IL2RB: variants seen among roughly 807,000 people sequenced by gnomAD.
IL2RB encodes interleukin-2 receptor subunit beta.
Under a neutral mutation model 44.2 loss-of-function variants are expected in IL2RB, and 17 were observed. The observed-to-expected ratio is 0.38, with a 90% CI of 0.26 to 0.58. IL2RB has a LOEUF of 0.58. IL2RB is among the 20% of genes least tolerant of loss of function. The pLI is 0.63. For synonymous variants in IL2RB, 286 were observed against 297.9 expected, an observed-to-expected ratio of 0.96 and a Z score of 0.41; for missense variants, 624 against 685.5, an observed-to-expected ratio of 0.91 and a Z score of 1.00.
chr22:37,150,051 G>C, upstream of IL2RB: 1 of 232,278 alleles, frequency 4.3e-6, no homozygotes, highest in Non-Finnish European at 6.9e-6. Flanking sequence ...AAGCACCCAG[G>C]GCCAGATAAA....
chr22:37,149,102 G>A (rs937034679), intron 1 of IL2RB, among the ~76,000 whole-genome samples: 124 of 152,202 alleles, frequency 8.1e-4, no homozygotes, highest in African/African-American at 2.7e-3. Flanking sequence ...TCCCTCCCCC[G>A]AGGTGCTACA....
intron 1 of IL2RB, among the ~76,000 whole-genome samples, chr22:37,174,479 C>A (rs1016915384): frequency 6.6e-6 from 1 of 152,166 alleles, no homozygotes; most frequent in African/African-American, 2.4e-5. Context: ...GCACCACGCT[C>A]AGATCAGGCC....
rs1486952787 is a variant in IL2RB, at chr22:37,141,877, C to T, written c.282+557G>A. ...GAGGCGGGTCCCTGGTGAGGTCCCA[C>T]CTTCAGGCTGGGGAGGGCCTGAAAA... On this transcript the variant is annotated intron_variant, in intron 4 of 9. Coordinates refer to ENST00000216223, the MANE Select transcript of IL2RB (RefSeq NM_000878.5). This position sits in a 1 kb window ranked among gnomAD's most constrained non-coding sequence, Gnocchi z 4.4. Among the ~76,000 whole-genome samples, 1 of 152,198 alleles carries T rather than the reference C, an allele frequency of 6.6e-6. No homozygotes were observed. The highest frequency in any genetic ancestry group is 1.5e-5 in the Non-Finnish European group (1 of 68,014).
At chr22:37,129,497 C>A (rs1921316675) in intron 9 of IL2RB, among the ~76,000 whole-genome samples, 1 of 126,394 alleles carries the variant, frequency 7.9e-6, no homozygotes, top group Admixed American at 1.0e-4. Context: ...GAGGAAAGTG[C>A]CCATCAGAGC....
rs1404155722 is a variant in IL2RB at position 37,139,002 on chromosome 22, G to C, written c.388+115C>G. ...AGAACAGCGGGCGGTGAGGTGATCA[G>C]ATGTGGGTGTGGAAGCTGCCGGGGA... is the stretch of plus-strand genomic sequence containing the variant. On this transcript the variant is annotated intron_variant, in intron 5 of 9. Coordinates refer to ENST00000216223, the MANE Select transcript of IL2RB (RefSeq NM_000878.5). The C allele has an allele frequency of 1.0e-5, 7 of 698,084 alleles. No individual in the cohort carries two copies. The East Asian group carries it at 1.6e-4, about 16-fold the overall frequency. The allele number at this position is 698,084 out of a possible 1,614,324, so 43.2% of individuals were successfully genotyped here. A position where few individuals can be genotyped will look rare whatever the true frequency, so the allele number is the denominator to read the frequency against.
At chr22:37,137,554 C>T (rs1921768153) in intron 6 of IL2RB, 33 bp downstream of exon 6, 1 of 1,611,418 alleles carries the variant, frequency 6.2e-7, no homozygotes, top group Non-Finnish European at 8.5e-7. Flanking sequence ...GAAGGAGGAA[C>T]CAAGGCAGGT....
intron 1 of IL2RB, among the ~76,000 whole-genome samples, chr22:37,167,414 G>A (rs1923122020): frequency 6.6e-6 from 1 of 152,134 alleles, no homozygotes; most frequent in South Asian, 2.1e-4. Flanking sequence ...CCCTTGTAAA[G>A]TGAAAATCCG....
Position 37,157,037 on chromosome 22 carries a change from G to C in IL2RB, c.-33-12832C>G, listed in dbSNP as rs186105442. ...CACCAGTGACCTGGTTTTGAGTCCT[G>C]GTCCCTGGTCAGGAGGACTATGGTA... On this transcript the variant is annotated intron_variant, in intron 1 of 5. Coordinates refer to the IL2RB transcript ENST00000429622. Among the ~76,000 whole-genome samples, 3 of 149,706 alleles carry C rather than the reference G, an allele frequency of 2.0e-5. No individual in the cohort carries two copies. The East Asian group carries it at 5.8e-4, about 29-fold the overall frequency.
chr22:37,142,825 A>G (rs886249713), intron 3 of IL2RB: 3 of 490,960 alleles, frequency 6.1e-6, no homozygotes, highest in South Asian at 2.0e-5. Flanking sequence ...GAGGCTTAGG[A>G]TGAAGATAGA....
At position 37,141,353 on chromosome 22, in the gene IL2RB, G is replaced by A. The variant is rs1921960341; in HGVS notation, c.282+1081C>T. On this transcript the variant is annotated intron_variant, in intron 4 of 9. Coordinates refer to ENST00000216223, the MANE Select transcript of IL2RB (RefSeq NM_000878.5). This position sits in a 1 kb window ranked among gnomAD's most constrained non-coding sequence, Gnocchi z 4.4. ...GGACCCAGGCATCCCTGCACTCTCA[G>A]GGTCTGGGAAGATCCCCCCTTGCCT... Among the ~76,000 whole-genome samples the A allele has an allele frequency of 6.6e-6, 1 of 152,128 alleles. No homozygotes were observed. The highest frequency in any genetic ancestry group is 2.4e-5 in the African/African-American group (1 of 41,430).
intron 1 of IL2RB, among the ~76,000 whole-genome samples, chr22:37,160,810 A>C (rs910394144): frequency 6.6e-6 from 1 of 151,852 alleles, no homozygotes; most frequent in Non-Finnish European, 1.5e-5. Context: ...GTGGTGACAG[A>C]GCGAGACTGG....
rs531181723 is a variant in IL2RB, at chr22:37,131,985, C to A, written c.903+399G>T. Among the ~76,000 whole-genome samples the A allele has an allele frequency of 9.2e-5, 14 of 152,306 alleles. No individual in the cohort carries two copies. In the South Asian group the frequency reaches 2.9e-3, roughly 32 times the overall value. Reference sequence around the variant, plus strand: ...TCCTGACCTCGTGATCTACCTGCCACAGCCTCCCAAAGTGCTGGGATTACA... The same window carrying A: ...TCCTGACCTCGTGATCTACCTGCCAAAGCCTCCCAAAGTGCTGGGATTACA... On this transcript the variant is annotated intron_variant, in intron 9 of 9. Coordinates refer to ENST00000216223, the MANE Select transcript of IL2RB (RefSeq NM_000878.5).
intron 6 of IL2RB, 151 bp from the exon 7 acceptor site, chr22:37,136,544 T>C: frequency 1.3e-6 from 1 of 799,784 alleles, no homozygotes. Flanking sequence ...TGCTGGGGCC[T>C]CAAACCCCAG....
At chr22:37,145,831 G>T (rs574835023) in intron 1 of IL2RB, among the ~76,000 whole-genome samples, 1 of 151,966 alleles carries the variant, frequency 6.6e-6, no homozygotes, top group East Asian at 1.9e-4. Context: ...CTGAGCGTTG[G>T]GCATTTCCCC....
intron 9 of IL2RB, among the ~76,000 whole-genome samples, chr22:37,131,750 T>TC (rs1422208879): frequency 6.6e-6 from 1 of 152,014 alleles, no homozygotes; most frequent in Non-Finnish European, 1.5e-5. Context: ...TTTTTTTTTT[T>TC]TTTTGAGATG....
Position 37,127,603 on chromosome 22 carries a change from A to C in IL2RB, c.*493T>G, listed in dbSNP as rs1324665470. The stretch of plus-strand genomic sequence containing the variant: ...GAGAAGTGGGGCTGAGGGCAGTGGG[A>C]CCTGTGCAAGGTTTTGAACCGAGGG... On this transcript the variant is annotated 3_prime_UTR_variant, in exon 10 of 10. Coordinates refer to ENST00000216223, the MANE Select transcript of IL2RB (RefSeq NM_000878.5). 3.3e-5 allele frequency: 5 copies of C among 152,562 alleles called. No individual in the cohort carries two copies. Among genetic ancestry groups the C allele is most frequent in the African/African-American group, 1.2e-4 (5 of 41,348 alleles). The allele number at this position is 152,562 out of a possible 1,614,324, so 9.5% of individuals were successfully genotyped here. A position where few individuals can be genotyped will look rare whatever the true frequency, so the allele number is the denominator to read the frequency against.
chr22:37,132,746 A>G (rs1293764226), intron 8 of IL2RB, among the ~76,000 whole-genome samples: 1 of 152,224 alleles, frequency 6.6e-6, no homozygotes, highest in Non-Finnish European at 1.5e-5. Context: ...CATTCTGTGG[A>G]GACAGAGAGC....
chr22:37,132,151 C>A (rs1921463557), intron 9 of IL2RB, among the ~76,000 whole-genome samples: 1 of 152,158 alleles, frequency 6.6e-6, no homozygotes, highest in Admixed American at 6.5e-5. Context: ...CAGGGAGGCT[C>A]TATAGGCCCA....
chr22:37,165,035 G>C (rs1923021245), intron 1 of IL2RB, among the ~76,000 whole-genome samples: 1 of 152,212 alleles, frequency 6.6e-6, no homozygotes, highest in African/African-American at 2.4e-5. Context: ...GTGCACAGAA[G>C]TTTGAGAGGC....
Sources: gnomAD v4.1 joint callset for allele counts (sites outside exome capture counted in the v4.1 genomes callset) on GRCh38, gnomAD v4.1.1 for gene constraint, Gnocchi (gnomAD v3.1) non-coding constraint, MANE v1.5 for transcripts, NCBI Gene and HGNC (gene_info 2026-07-23, HGNC 2026-07-21) for gene names.